Variants in RIOK1 observed in about 807,000 individuals in gnomAD.
RIOK1 encodes the protein RIO kinase 1.
Under a neutral mutation model 73.5 loss-of-function variants are expected in RIOK1, and 66 were observed. The observed-to-expected ratio is 0.90, with a 90% CI of 0.74 to 1.10. The LOEUF is 1.10. RIOK1 is among the 50% of genes least tolerant of loss of function. The pLI, the probability that RIOK1 is intolerant of heterozygous loss-of-function variation, is 0.00. For synonymous variants in RIOK1, 224 were observed against 226.8 expected (o/e 0.99, Z 0.11); for missense variants, 658 against 699.8 (o/e 0.94, Z 0.67).
At chr6:7,397,343 G>A (rs751917170) in intron 4 of RIOK1, among the ~76,000 whole-genome samples, 8 of 152,174 alleles carry the variant, frequency 5.3e-5, no homozygotes, top group Non-Finnish European at 1.0e-4. Context: ...ATTTACAAAT[G>A]TGTTCTTATG....
chr6:7,406,137 C>T (rs1008046097), intron 12 of RIOK1, among the ~76,000 whole-genome samples: 2 of 151,896 alleles, frequency 1.3e-5, no homozygotes, highest in African/African-American at 4.8e-5. Context: ...GCTAGGACTA[C>T]AGGCACACGC....
Position 7,411,331 on chromosome 6 carries a change from G to A in RIOK1, c.1270-1G>A, listed in dbSNP as rs79466978. 6.2e-7 allele frequency: 1 copy of A among 1,613,682 alleles called. No homozygotes were observed. The highest frequency in any genetic ancestry group is 8.5e-7 in the Non-Finnish European group (1 of 1,179,818). On this transcript the variant is annotated splice_acceptor_variant, in intron 13 of 16. Coordinates refer to ENST00000379834, the MANE Select transcript of RIOK1 (RefSeq NM_031480.3). LOFTEE classifies it high-confidence loss of function. ...TTGATTTTGCTTTTCCTCTCTGTTA[G>A]GTGTTTAAGCGAGCATATATTCCTA...
chr6:7,396,629 T>C (rs1333759781), intron 3 of RIOK1, 74 bp from the exon 4 acceptor site: 2 of 797,458 alleles, frequency 2.5e-6, no homozygotes, highest in East Asian at 2.5e-5. Flanking sequence ...AGGGGAGAAA[T>C]ACCCTGTTCA....
At chr6:7,394,837 G>A (rs1467643646) in intron 2 of RIOK1, among the ~76,000 whole-genome samples, 6 of 152,062 alleles carry the variant, frequency 3.9e-5, no homozygotes, top group Non-Finnish European at 8.8e-5. Context: ...TTAAAAAAAC[G>A]GATTATGCAG....
chr6:7,410,752 G>A (rs1490809054), intron 13 of RIOK1, among the ~76,000 whole-genome samples: 1 of 152,166 alleles, frequency 6.6e-6, no homozygotes, highest in Non-Finnish European at 1.5e-5. Flanking sequence ...ATTTGCAAAT[G>A]TGAGTTTTTA....
chr6:7,393,220 G>C lies in RIOK1; in HGVS notation c.193G>C (p.Asp65His), dbSNP rs375095348. 1.2e-6 allele frequency: 2 copies of C among 1,609,292 alleles called. No individual in the cohort carries two copies. The highest frequency in any genetic ancestry group is 2.2e-5 in the East Asian group (1 of 44,842). Residue 65 changes from aspartate (D) to histidine (H), a missense_variant, in exon 2 of 17, where the codon GAT becomes CAT. Coordinates refer to ENST00000379834, the MANE Select transcript of RIOK1 (RefSeq NM_031480.3). The part of the protein sequence containing the change: ...IEDEEEEGYD[D>H]DDDDWDWDEG... ...AGATGAGGAGGAGGAGGGTTATGAC[G>C]ATGATGATGATGACTGGGACTGGGA...
At chr6:7,392,656 A>T (rs1048137874) in intron 1 of RIOK1, among the ~76,000 whole-genome samples, 4 of 152,012 alleles carry the variant, frequency 2.6e-5, no homozygotes, top group South Asian at 2.1e-4. Flanking sequence ...AGTAGCTGGG[A>T]TCAAAGGTGT....
chr6:7,395,874 C>T (rs1761463153), intron 3 of RIOK1, among the ~76,000 whole-genome samples: 1 of 151,986 alleles, frequency 6.6e-6, no homozygotes, highest in South Asian at 2.1e-4. Context: ...CACACCCGGC[C>T]AATTTTTATT....
intron 16 of RIOK1, 60 bp from the exon 17 acceptor site, chr6:7,417,271 A>G: frequency 8.4e-7 from 1 of 1,196,906 alleles, no homozygotes; most frequent in South Asian, 1.5e-5. Context: ...ACAAAAAACA[A>G]AAACAAAAAA....
chr6:7,410,366 A>G lies in RIOK1; in HGVS notation c.1204-20A>G, dbSNP rs940489629. On this transcript the variant is annotated intron_variant, in intron 12 of 16. Coordinates refer to ENST00000379834, the MANE Select transcript of RIOK1 (RefSeq NM_031480.3). ...TGCAGTTTGAATATAAAAGAAAGTC[A>G]TTTTTGTTTTCTTTCCAAGGCCATG... 1 of 1,588,362 alleles carries G rather than the reference A, an allele frequency of 6.3e-7. No individual in the cohort carries two copies. Among genetic ancestry groups the G allele is most frequent in the Non-Finnish European group, 8.6e-7 (1 of 1,157,578 alleles).
intron 4 of RIOK1, 83 bp downstream of exon 4, chr6:7,396,855 G>T: frequency 1.3e-6 from 1 of 764,382 alleles, no homozygotes. Context: ...CTTTTACAGA[G>T]GATGTTCATT....
At chr6:7,400,560 G>T (rs1393732502) in intron 5 of RIOK1, among the ~76,000 whole-genome samples, 1 of 152,180 alleles carries the variant, frequency 6.6e-6, no homozygotes, top group Non-Finnish European at 1.5e-5. Flanking sequence ...TAGCGTTTTA[G>T]ATATTTTGAG....
chr6:7,404,543 A>G lies in RIOK1; in HGVS notation c.980A>G (p.Glu327Gly). The change falls in exon 10 of 17, where the codon GAA (glutamate) becomes GGA (glycine). Residue 327 changes from glutamate (E) to glycine (G), a missense_variant. Coordinates refer to ENST00000379834, the MANE Select transcript of RIOK1 (RefSeq NM_031480.3). ...DARLVHADLS[E>G]FNMLYHGGGV... ...AGACTTGTCCATGCAGATCTCAGTG[A>G]ATTTAACATGCTGTGAGTGTATTTT... 3 of 1,614,044 alleles carry G rather than the reference A, an allele frequency of 1.9e-6. No homozygotes were observed. The highest frequency in any genetic ancestry group is 2.5e-6 in the Non-Finnish European group (3 of 1,179,946).
chr6:7,398,066 C>T (rs192265532), intron 4 of RIOK1, among the ~76,000 whole-genome samples: 9 of 152,242 alleles, frequency 5.9e-5, no homozygotes, highest in African/African-American at 2.2e-4. Flanking sequence ...GGCGTGAACC[C>T]GGGAGGCAGA....
rs775973273 is a variant in RIOK1 at position 7,393,211 on chromosome 6, G to A, written c.184G>A (p.Gly62Ser). The A allele has an allele frequency of 6.2e-7, 1 of 1,612,920 alleles. No individual in the cohort carries two copies. Among genetic ancestry groups the A allele is most frequent in the Non-Finnish European group, 8.5e-7 (1 of 1,178,962 alleles). Residue 62 changes from glycine (G) to serine (S), a missense_variant, in exon 2 of 17, where the codon GGT (glycine) becomes AGT (serine). Gly to Ser is a moderately conservative substitution (Grantham distance 56, BLOSUM62 0). Coordinates refer to ENST00000379834, the MANE Select transcript of RIOK1 (RefSeq NM_031480.3). ...EGEIEDEEEE[G>S]YDDDDDDWDW... ...TGAAATAGAAGATGAGGAGGAGGAG[G>A]GTTATGACGATGATGATGATGACTG...
At chr6:7,402,415 AT>A (rs1761634430) in intron 6 of RIOK1, among the ~76,000 whole-genome samples, 187 bp from the exon 7 acceptor site, 2 of 152,226 alleles carry the variant, frequency 1.3e-5, no homozygotes, top group Admixed American at 1.3e-4. Context: ...CTGTATTTGT[AT>A]ATTGGAGCTA....
intron 1 of RIOK1, 112 bp from the exon 2 acceptor site, chr6:7,392,987 A>C: frequency 7.6e-7 from 1 of 1,313,982 alleles, no homozygotes; most frequent in Non-Finnish European, 1.0e-6. Context: ...TTATATAAAT[A>C]TATAATCTTT....
intron 6 of RIOK1, among the ~76,000 whole-genome samples, chr6:7,401,404 C>T (rs548915478): frequency 7.6e-4 from 116 of 152,196 alleles, no homozygotes; most frequent in Non-Finnish European, 1.5e-3. Flanking sequence ...ATACTGCCTT[C>T]TGTTTGTTAG....
chr6:7,412,881 GT>G lies in RIOK1; in HGVS notation c.1390-6del. The stretch of plus-strand genomic sequence containing the variant: ...TCCTTATTTTTTTTTTTTCATTTTG[GT>G]TATAAGATTCTATACCAGACTGTTA... On this transcript the variant is annotated splice_polypyrimidine_tract_variant and splice_region_variant and intron_variant, in intron 14 of 16. Coordinates refer to ENST00000379834, the MANE Select transcript of RIOK1 (RefSeq NM_031480.3). 6.8e-7 allele frequency: 1 copy of G among 1,473,922 alleles called. No homozygotes were observed. Among genetic ancestry groups the G allele is most frequent in the Non-Finnish European group, 9.1e-7 (1 of 1,096,620 alleles). 91.3% of individuals were successfully genotyped at this position (1,473,922 alleles called of 1,614,324 possible). A position where few individuals can be genotyped will look rare whatever the true frequency, so the allele number is the denominator to read the frequency against.
Sources: allele counts gnomAD v4.1 joint callset (sites outside exome capture counted in the v4.1 genomes callset), GRCh38; gene constraint gnomAD v4.1.1; transcripts MANE v1.5; gene names NCBI Gene and HGNC (gene_info 2026-07-23, HGNC 2026-07-21).